The following CCDC39 variants were observed in gnomAD, a reference collection of about 807,000 sequenced individuals.
CCDC39 encodes coiled-coil domain 39 molecular ruler complex subunit.
Under a neutral mutation model 121.0 loss-of-function variants are expected in CCDC39, and 113 were observed. The ratio of observed to expected loss-of-function variants is 0.93; its 90% confidence interval spans 0.80 to 1.09. CCDC39 has a LOEUF of 1.09. Ranked by LOEUF, CCDC39 falls within the 50% of genes least tolerant of loss-of-function variation. The pLI, the probability that CCDC39 is intolerant of heterozygous loss-of-function variation, is 0.00. For missense variants in CCDC39, 1,063 were observed against 1,074.7 expected (o/e 0.99, Z 0.15); for synonymous variants, 349 against 352.2 (o/e 0.99, Z 0.10).
At chr3:180,675,750 C>G (rs112638773) in intron 1 of CCDC39, among the ~76,000 whole-genome samples, 2 of 152,076 alleles carry the variant, frequency 1.3e-5, no homozygotes, top group Non-Finnish European at 2.9e-5. Flanking sequence ...AACTATACTA[C>G]AAGGCTACAG....
intron 14 of CCDC39, among the ~76,000 whole-genome samples, chr3:180,624,423 T>C (rs992212843): frequency 2.0e-5 from 3 of 152,206 alleles, no homozygotes; most frequent in Non-Finnish European, 4.4e-5. Context: ...CTTATATTGA[T>C]ATGTATGATT....
intron 1 of CCDC39, among the ~76,000 whole-genome samples, chr3:180,669,140 C>G (rs1711964696): frequency 6.6e-6 from 1 of 152,090 alleles, no homozygotes; most frequent in Non-Finnish European, 1.5e-5. Context: ...ATTTGAAATG[C>G]ATTCTTTTTA....
chr3:180,662,013 G>T lies in CCDC39; in HGVS notation c.211-6C>A. 1 of 1,540,220 alleles carries T rather than the reference G, an allele frequency of 6.5e-7. No homozygotes were observed. On this transcript the variant is annotated splice_region_variant and splice_polypyrimidine_tract_variant and intron_variant, in intron 2 of 19. Coordinates refer to ENST00000476379, the MANE Select transcript of CCDC39 (RefSeq NM_181426.2). ...TCCCTTGCTTTGCAAAGAGACTACA[G>T]AATAACACACAAGATAAAAAGGCTT...
At position 180,651,506 on chromosome 3, in the gene CCDC39, C is replaced by T. The variant is rs1295519400; in HGVS notation, c.1062G>A (p.Glu354=). The T allele has an allele frequency of 4.6e-6, 7 of 1,531,556 alleles. No individual in the cohort carries two copies. The highest frequency in any genetic ancestry group is 1.7e-4 in the Middle Eastern group (1 of 5,964). The allele number at this position is 1,531,556 out of a possible 1,614,324, so 94.9% of individuals were successfully genotyped here. A position where few individuals can be genotyped will look rare whatever the true frequency, so the allele number is the denominator to read the frequency against. The change falls in exon 9 of 20, where the codon GAG becomes GAA. Residue 354 remains glutamate (E), a synonymous_variant. Transcript: ENST00000476379. ...ARLQKTKNHN[E]IIQTKLKEIT... ...TCTCCTTTAATTTTGTTTGTATTAT[C>T]TCATTATGATTTTTAGTTTTTTGTA...
At chr3:180,664,904 C>T (rs1289018458) in intron 1 of CCDC39, among the ~76,000 whole-genome samples, 2 of 150,660 alleles carry the variant, frequency 1.3e-5, no homozygotes, top group East Asian at 1.9e-4. Flanking sequence ...GAAGGTGTTT[C>T]ACCATGTTGG....
In CCDC39 at chr3:180,638,078, T is replaced by C. The variant is rs571360356; in HGVS notation, c.1874+3915A>G. ...TGCACATGTACCCCTGAACCAAAGA[T>C]AAAAAAATTTTTAAAACTGAAAGAG... On this transcript the variant is annotated intron_variant, in intron 13 of 19. Transcript: ENST00000476379. Among the ~76,000 whole-genome samples the C allele has an allele frequency of 4.0e-4, 61 of 152,056 alleles. 1 individual carries two copies. Among genetic ancestry groups the C allele is most frequent in the Admixed American group, 9.2e-4 (14 of 15,262 alleles).
Position 180,679,003 on chromosome 3 carries a change from G to C in CCDC39, c.90+288C>G, listed in dbSNP as rs534335426. 2.0e-5 allele frequency among the ~76,000 whole-genome samples: 3 copies of C among 152,118 alleles called. No homozygotes were observed. The highest frequency in any genetic ancestry group is 4.4e-5 in the Non-Finnish European group (3 of 68,040). ...CGCCGGAACCAGCCTTTCCTCTCTCGCCAGGAGGAACGAAATAAGTAAGAG... is the reference window on the plus strand; with the variant it reads ...CGCCGGAACCAGCCTTTCCTCTCTCCCCAGGAGGAACGAAATAAGTAAGAG... On this transcript the variant is annotated intron_variant, in intron 1 of 19. Transcript: ENST00000476379. This position sits in a 1 kb window ranked among gnomAD's most constrained non-coding sequence, Gnocchi z 4.0.
intron 12 of CCDC39, 98 bp downstream of exon 12, chr3:180,644,022 C>A: frequency 1.2e-6 from 1 of 844,550 alleles, no homozygotes; most frequent in South Asian, 2.0e-5. Flanking sequence ...ATTATAGTGA[C>A]ATTTTCTTTT....
chr3:180,651,691 T>C lies in CCDC39; in HGVS notation c.1035-158A>G, dbSNP rs576599125. Among the ~76,000 whole-genome samples, 6 of 152,340 alleles carry C rather than the reference T, an allele frequency of 3.9e-5. No individual in the cohort carries two copies. The East Asian group carries it at 5.8e-4, about 15-fold the overall frequency. On this transcript the variant is annotated intron_variant, in intron 8 of 19. Transcript: ENST00000476379. ...ACATATTTAATAGACCATAAAAATA[T>C]GGCTTCTGAGTCTTTGTGATGAAAA...
chr3:180,614,799 G>GT lies in CCDC39; in HGVS notation c.*121dup. On this transcript the variant is annotated 3_prime_UTR_variant, in exon 20 of 20. Transcript: ENST00000476379. ...CGTTCCTTTTTTTTTAAAACTATCA[G>GT]TTTTTACACTTACCACTAAGTTTTT... 1 of 840,162 alleles carries GT rather than the reference G, an allele frequency of 1.2e-6. No homozygotes were observed. The highest frequency in any genetic ancestry group is 1.8e-6 in the Non-Finnish European group (1 of 565,186). The allele number at this position is 840,162 out of a possible 1,614,324, so 52.0% of individuals were successfully genotyped here. A position where few individuals can be genotyped will look rare whatever the true frequency, so the allele number is the denominator to read the frequency against.
intron 1 of CCDC39, among the ~76,000 whole-genome samples, chr3:180,666,853 A>T (rs1711890190): frequency 6.6e-6 from 1 of 152,004 alleles, no homozygotes; most frequent in South Asian, 2.1e-4. Context: ...AAAGACAAGA[A>T]CTAAATACAT....
rs1283796881 is a variant in CCDC39, at chr3:180,679,414, G to A, written c.-34C>T. 1 of 1,590,036 alleles carries A rather than the reference G, an allele frequency of 6.3e-7. No individual in the cohort carries two copies. The highest frequency in any genetic ancestry group is 1.7e-5 in the Admixed American group (1 of 59,998). On this transcript the variant is annotated 5_prime_UTR_variant, in exon 1 of 20. Coordinates refer to ENST00000476379, the MANE Select transcript of CCDC39 (RefSeq NM_181426.2). The surrounding 1 kb of genome is among the most constrained non-coding windows in gnomAD (Gnocchi z 4.0). Reference sequence around the variant, plus strand: ...ACGGATAGAGAAGATACAGAGCAAAGATCCGCCTTCTTGTACAGCGGGTGA... The same window carrying A: ...ACGGATAGAGAAGATACAGAGCAAAAATCCGCCTTCTTGTACAGCGGGTGA...
In CCDC39 at chr3:180,648,279, T is replaced by C. The variant is rs2338436; in HGVS notation, c.1248A>G (p.Glu416=). ...AQELQTETMK[E]KAVLSEIEGT... is the part of the protein sequence containing the mutation. ...CTTCAATTTCTGATAAAACAGCTTT[T>C]TCTTTCATTGTCTCAGTCTGTAACT... The change falls in exon 10 of 20, where the codon GAA becomes GAG. Residue 416 remains glutamate, a synonymous_variant. Coordinates refer to ENST00000476379, the MANE Select transcript of CCDC39 (RefSeq NM_181426.2). 93,689 of 1,612,916 alleles carry C rather than the reference T, an allele frequency of 0.058. 7,512 individuals are homozygous for C. Among genetic ancestry groups the C allele is most frequent in the African/African-American group, 0.39 (29,137 of 74,832 alleles).
At chr3:180,676,641 G>T (rs1263898958) in intron 1 of CCDC39, among the ~76,000 whole-genome samples, 5 of 152,272 alleles carry the variant, frequency 3.3e-5, no homozygotes, top group Non-Finnish European at 7.3e-5. Flanking sequence ...TCCCATTACT[G>T]GGTATATACC....
intron 14 of CCDC39, among the ~76,000 whole-genome samples, chr3:180,623,110 TATTATG>T (rs1339881045): frequency 6.8e-6 from 1 of 146,788 alleles, no homozygotes; most frequent in African/African-American, 2.5e-5. Flanking sequence ...TTATTATTAT[TATTATG>T]GATTCATTCT....
rs1334412999 is a variant in CCDC39 at position 180,663,973 on chromosome 3, T to A, written c.104A>T (p.Lys35Met). 8 of 1,611,448 alleles carry A rather than the reference T, an allele frequency of 5.0e-6. No individual in the cohort carries two copies. ...KLLEDQLSKL[K>M]DERASLQDEL... The stretch of plus-strand genomic sequence containing the variant: ...ATCTTGCAAGCTTGCTCTTTCATCC[T>A]TCAGCTTTGACAACTGTAAATAATA... The change falls in exon 2 of 20, where the codon AAG becomes ATG. Residue 35 changes from lysine to methionine, a missense_variant. By Grantham distance (95) the Lys-to-Met change is moderately conservative (BLOSUM62 -1). Coordinates refer to ENST00000476379, the MANE Select transcript of CCDC39 (RefSeq NM_181426.2).
At chr3:180,644,401 C>T (rs1320031771) in intron 11 of CCDC39, 144 bp from the exon 12 acceptor site, 2 of 535,398 alleles carry the variant, frequency 3.7e-6, no homozygotes, top group Admixed American at 7.9e-5. Flanking sequence ...TCTCTTTCTG[C>T]TATGTCTGTA....
intron 4 of CCDC39, 76 bp downstream of exon 4, chr3:180,660,494 G>A (rs2108429372): frequency 7.8e-7 from 1 of 1,288,192 alleles, no homozygotes; most frequent in East Asian, 2.7e-5. Flanking sequence ...AAAATCCTAA[G>A]TATAACTTTA....
chr3:180,619,112 A>G, intron 16 of CCDC39, 147 bp downstream of exon 16: 3 of 600,182 alleles, frequency 5.0e-6, no homozygotes, highest in South Asian at 2.1e-5. Context: ...TCTCCTTTAA[A>G]TGAGACTGTT....
Sources: allele counts gnomAD v4.1 joint callset (sites outside exome capture counted in the v4.1 genomes callset), GRCh38; gene constraint gnomAD v4.1.1; non-coding constraint Gnocchi (gnomAD v3.1); transcripts MANE v1.5; gene names NCBI Gene and HGNC (gene_info 2026-07-23, HGNC 2026-07-21).